The following ZNF554 variants were observed in gnomAD, a reference collection of about 807,000 sequenced individuals.
ZNF554 encodes zinc finger protein 554.
Under a neutral mutation model 21.2 loss-of-function variants are expected in ZNF554, and 15 were observed. That is an observed-to-expected ratio of 0.71 (90% CI 0.47 to 1.09). The LOEUF (loss-of-function observed/expected upper bound fraction) is 1.09, where lower values mean the gene tolerates loss of function less well. ZNF554 is among the 50% of genes least tolerant of loss of function. The probability of loss-of-function intolerance (pLI) is 0.00; values close to 1 mark genes in which losing one functional copy is unlikely to be tolerated. For missense variants in ZNF554, 691 were observed against 662.7 expected (o/e 1.04, Z -0.47); for synonymous variants, 258 against 251.4 (o/e 1.03, Z -0.25).
rs2087452665 is a variant in ZNF554, at chr19:2,833,796, G to A, written c.561G>A (p.Lys187=). ...IKLIREDGGW[K]QLEDSHEDPQ... ...TTATCAGAGAAGATGGGGGATGGAA[G>A]CAGTTAGAGGACAGCCATGAAGACC... The change falls in exon 5 of 5, where the codon AAG becomes AAA. Residue 187 remains lysine, a synonymous_variant. Coordinates refer to ENST00000317243, the MANE Select transcript of ZNF554 (RefSeq NM_001102651.2). The A allele has an allele frequency of 6.2e-7, 1 of 1,610,776 alleles. No individual in the cohort carries two copies. The highest frequency in any genetic ancestry group is 1.3e-5 in the African/African-American group (1 of 74,892).
At chr19:2,825,415 G>A (rs970555431) in intron 2 of ZNF554, among the ~76,000 whole-genome samples, 2 of 151,810 alleles carry the variant, frequency 1.3e-5, no homozygotes, top group East Asian at 1.9e-4. Flanking sequence ...GGGTTCAAGC[G>A]ATTCTCCTGC....
At position 2,821,060 on chromosome 19, in the gene ZNF554, T is replaced by C. The variant is rs2087256770; in HGVS notation, c.53+936T>C. 6.6e-6 allele frequency among the ~76,000 whole-genome samples: 1 copy of C among 151,564 alleles called. No homozygotes were observed. The highest frequency in any genetic ancestry group is 1.5e-5 in the Non-Finnish European group (1 of 67,992). On this transcript the variant is annotated intron_variant, in intron 1 of 4. Coordinates refer to ENST00000317243, the MANE Select transcript of ZNF554 (RefSeq NM_001102651.2). This position sits in a 1 kb window ranked among gnomAD's most constrained non-coding sequence, Gnocchi z 8.2. Reference sequence around the variant, plus strand: ...TAGCAACCCCAACCTCCCTGAACTCTCCCCTACCCAAACAGGTTGGTTTCT... The same window carrying C: ...TAGCAACCCCAACCTCCCTGAACTCCCCCCTACCCAAACAGGTTGGTTTCT...
At chr19:2,820,173 G>A in intron 1 of ZNF554, 49 bp downstream of exon 1, 1 of 1,213,654 alleles carries the variant, frequency 8.2e-7, no homozygotes, top group South Asian at 4.1e-5. Context: ...GGGCCTGCCG[G>A]GGCTCTGGTG....
rs2087258854 is a variant in ZNF554, at chr19:2,821,196, C to T, written c.53+1072C>T. 6.6e-6 allele frequency among the ~76,000 whole-genome samples: 1 copy of T among 151,454 alleles called. No individual in the cohort carries two copies. Among genetic ancestry groups the T allele is most frequent in the South Asian group, 2.1e-4 (1 of 4,808 alleles). Reference sequence around the variant, plus strand: ...CCACCTCGTGGGTTCAAGTGATTCTCCTGCCTCAGCCTCCCAAGTAGCTGG... The same window carrying T: ...CCACCTCGTGGGTTCAAGTGATTCTTCTGCCTCAGCCTCCCAAGTAGCTGG... On this transcript the variant is annotated intron_variant, in intron 1 of 4. Transcript: ENST00000317243. The surrounding 1 kb of genome is among the most constrained non-coding windows in gnomAD (Gnocchi z 8.2).
intron 3 of ZNF554, 70 bp from the exon 4 acceptor site, chr19:2,832,231 CTG>C (rs552668377): frequency 0.013 from 18,563 of 1,452,610 alleles, 145 homozygotes; most frequent in Non-Finnish European, 0.016. Flanking sequence ...TGGCACAGAT[CTG>C]TAATTTTTTA....
In ZNF554 at chr19:2,821,852, C is replaced by CG. The variant is rs1224417764; in HGVS notation, c.54-1183dup. On this transcript the variant is annotated intron_variant, in intron 1 of 4. Transcript: ENST00000317243. The surrounding 1 kb of genome is among the most constrained non-coding windows in gnomAD (Gnocchi z 8.2). ...CTAATTTTTGTATTTTTAGTAGAGA[C>CG]GGGGGTTTTGCCATGTTGGCCAGGC... Among the ~76,000 whole-genome samples the CG allele has an allele frequency of 6.6e-6, 1 of 151,140 alleles. No homozygotes were observed. Among genetic ancestry groups the CG allele is most frequent in the South Asian group, 2.1e-4 (1 of 4,782 alleles).
intron 4 of ZNF554, 92 bp from the exon 5 acceptor site, chr19:2,833,589 C>G (rs885705): frequency 0.2 from 214,612 of 1,062,670 alleles, 25,958 homozygotes; most frequent in East Asian, 0.48. Context: ...TCCGCACAGG[C>G]CTTGTAGATG....
In ZNF554 at chr19:2,820,021, C is replaced by T. The variant is rs571481552; in HGVS notation, c.-51C>T. 2.3e-4 allele frequency: 274 copies of T among 1,190,346 alleles called. 1 individual carries two copies. In the African/African-American group the frequency reaches 4.0e-3, roughly 17 times the overall value. 73.7% of individuals were successfully genotyped at this position (1,190,346 alleles called of 1,614,324 possible). A position where few individuals can be genotyped will look rare whatever the true frequency, so the allele number is the denominator to read the frequency against. ...CGCAGGGGAGGCCGGCCGGCCTGCA[C>T]GGGGCGCTCCCGCCTCGGGGGCCCT... On this transcript the variant is annotated 5_prime_UTR_variant, in exon 1 of 5. It adds an upstream start codon to the 5' untranslated region. Coordinates refer to ENST00000317243, the MANE Select transcript of ZNF554 (RefSeq NM_001102651.2).
Position 2,834,618 on chromosome 19 carries a change from G to C in ZNF554, c.1383G>C (p.Glu461Asp), listed in dbSNP as rs779813591. Residue 461 changes from glutamate to aspartate, a missense_variant, in exon 5 of 5, where the codon GAG becomes GAC. Coordinates refer to ENST00000317243, the MANE Select transcript of ZNF554 (RefSeq NM_001102651.2). Reference protein sequence around the residue: ...LNQHERTHTGENPYECKQCGR... With the variant: ...LNQHERTHTGDNPYECKQCGR... The stretch of plus-strand genomic sequence containing the variant: ...AGCACGAGCGAACTCACACGGGCGA[G>C]AACCCCTATGAATGTAAGCAGTGTG... The C allele has an allele frequency of 1.2e-6, 2 of 1,614,080 alleles. No homozygotes were observed. The highest frequency in any genetic ancestry group is 1.7e-6 in the Non-Finnish European group (2 of 1,180,010).
At chr19:2,827,949 C>T (rs1445949478) in intron 3 of ZNF554, among the ~76,000 whole-genome samples, 2 of 152,072 alleles carry the variant, frequency 1.3e-5, no homozygotes, top group East Asian at 1.9e-4. Flanking sequence ...TCTTACGTGG[C>T]GGTAGGCAAG....
Position 2,834,060 on chromosome 19 carries a change from T to C in ZNF554, c.825T>C (p.Ser275=), listed in dbSNP as rs1308884615. The change falls in exon 5 of 5, where the codon AGT becomes AGC. Residue 275 remains serine, a synonymous_variant. Transcript: ENST00000317243. ...LGYADRRPCE[S]NECGNAIRQN... The stretch of plus-strand genomic sequence containing the variant: ...ATGCAGATCGGAGACCTTGTGAAAG[T>C]AATGAATGTGGAAATGCCATCCGCC... 3.1e-6 allele frequency: 5 copies of C among 1,613,964 alleles called. No individual in the cohort carries two copies. The African/African-American group carries it at 4.0e-5, about 13-fold the overall frequency.
rs546882483 is a variant in ZNF554 at position 2,821,129 on chromosome 19, G to A, written c.53+1005G>A. ...TTTCTTGAGACAGTCTCGCCCTATT[G>A]CCCAGGCTGGAGTGCAGTTGCACGA... On this transcript the variant is annotated intron_variant, in intron 1 of 4. Transcript: ENST00000317243. The surrounding 1 kb of genome is among the most constrained non-coding windows in gnomAD (Gnocchi z 8.2). Among the ~76,000 whole-genome samples, 2 of 150,214 alleles carry A rather than the reference G, an allele frequency of 1.3e-5. No homozygotes were observed. Among genetic ancestry groups the A allele is most frequent in the African/African-American group, 4.9e-5 (2 of 40,452 alleles).
intron 4 of ZNF554, 114 bp from the exon 5 acceptor site, chr19:2,833,567 T>A: frequency 1.2e-6 from 1 of 856,426 alleles, no homozygotes. Context: ...AGAGTTGATA[T>A]TTGAACATCA....
In ZNF554 at chr19:2,834,888, C is replaced by T; in HGVS notation, c.*36C>T. On this transcript the variant is annotated 3_prime_UTR_variant, in exon 5 of 5. Transcript: ENST00000317243. The stretch of plus-strand genomic sequence containing the variant: ...CTGCTTTGTAAGCCACTTTTTAGTA[C>T]TCTGACACATACATGTGGTTATCTT... 6.6e-7 allele frequency: 1 copy of T among 1,516,174 alleles called. No individual in the cohort carries two copies. The allele number at this position is 1,516,174 out of a possible 1,614,324, so 93.9% of individuals were successfully genotyped here.
At position 2,835,703 on chromosome 19, in the gene ZNF554, A is replaced by T. The variant is rs895095273; in HGVS notation, c.*851A>T. The T allele has an allele frequency of 1.3e-5, 2 of 152,214 alleles. No homozygotes were observed. Among genetic ancestry groups the T allele is most frequent in the South Asian group, 2.1e-4 (1 of 4,834 alleles). The allele number at this position is 152,214 out of a possible 1,614,324, so 9.4% of individuals were successfully genotyped here. ...TTGGTGGACGGGAATGCTGTCATGG[A>T]TGGGATCTTGCCAAGAACCATCACG... On this transcript the variant is annotated 3_prime_UTR_variant, in exon 5 of 5. Transcript: ENST00000317243.
At chr19:2,832,274 C>T in intron 3 of ZNF554, 29 bp from the exon 4 acceptor site, 1 of 1,532,146 alleles carries the variant, frequency 6.5e-7, no homozygotes, top group South Asian at 1.3e-5. Flanking sequence ...TCTTGTGCTA[C>T]CTCTCAAGTA....
chr19:2,834,708 C>G lies in ZNF554; in HGVS notation c.1473C>G (p.Pro491=), dbSNP rs1434252155. The change falls in exon 5 of 5, where the codon CCC becomes CCG. Residue 491 remains proline, a synonymous_variant. Transcript: ENST00000317243. ...RHERTHTGEK[P]YRCQECGKAF... is the part of the protein sequence containing the mutation. Reference sequence around the variant, plus strand: ...AGAGAACTCACACTGGAGAGAAACCCTACAGGTGTCAGGAATGTGGGAAAG... The same window carrying G: ...AGAGAACTCACACTGGAGAGAAACCGTACAGGTGTCAGGAATGTGGGAAAG... 1 of 1,614,084 alleles carries G rather than the reference C, an allele frequency of 6.2e-7. No individual in the cohort carries two copies. Among genetic ancestry groups the G allele is most frequent in the East Asian group, 2.2e-5 (1 of 44,882 alleles).
In ZNF554 at chr19:2,833,670, A is replaced by T. The variant is rs199806133; in HGVS notation, c.446-11A>T. ...TTCTAAAAAAATGGTTTCCGCCTCA[A>T]TTTATTTCAGATTGGATGACTGTAC... On this transcript the variant is annotated splice_polypyrimidine_tract_variant and intron_variant, in intron 4 of 4. Coordinates refer to ENST00000317243, the MANE Select transcript of ZNF554 (RefSeq NM_001102651.2). 110 of 1,510,670 alleles carry T rather than the reference A, an allele frequency of 7.3e-5. No homozygotes were observed. The African/African-American group carries it at 1.5e-3, about 20-fold the overall frequency. 93.6% of individuals were successfully genotyped at this position (1,510,670 alleles called of 1,614,324 possible). A position where few individuals can be genotyped will look rare whatever the true frequency, so the allele number is the denominator to read the frequency against.
In ZNF554 at chr19:2,834,185, T is replaced by C. The variant is rs2087463190; in HGVS notation, c.950T>C (p.Ile317Thr). 1.9e-6 allele frequency: 3 copies of C among 1,613,826 alleles called. No homozygotes were observed. The African/African-American group carries it at 4.0e-5, about 22-fold the overall frequency. Residue 317 changes from isoleucine (I) to threonine (T), a missense_variant, in exon 5 of 5, where the codon ATC becomes ACC. Physicochemically the swap from Ile to Thr is moderately conservative, Grantham distance 89. Transcript: ENST00000317243. ...HGMALTIHNK[I>T]NTAEKPFECH... The stretch of plus-strand genomic sequence containing the variant: ...ATGGCCCTGACTATCCACAACAAAA[T>C]CAACACGGCAGAGAAACCCTTTGAG...
Sources: allele counts gnomAD v4.1 joint callset (sites outside exome capture counted in the v4.1 genomes callset), GRCh38; gene constraint gnomAD v4.1.1; non-coding constraint Gnocchi (gnomAD v3.1); transcripts MANE v1.5; gene names NCBI Gene and HGNC (gene_info 2026-07-23, HGNC 2026-07-21).